The following ERC2 variants were observed in gnomAD, a reference collection of about 807,000 sequenced individuals.
The protein encoded by ERC2 is ERC protein 2.
Under a neutral mutation model 114.8 loss-of-function variants are expected in ERC2, and 42 were observed. That is an observed-to-expected ratio of 0.37 (90% CI 0.29 to 0.47). The LOEUF (loss-of-function observed/expected upper bound fraction) is 0.47, where lower values mean the gene tolerates loss of function less well. ERC2 is among the 20% of genes least tolerant of loss of function. ERC2 has a pLI of 0.99. For missense variants in ERC2, 939 were observed against 1,150.7 expected (o/e 0.82, Z 2.66); for synonymous variants, 454 against 425.5 (o/e 1.07, Z -0.82).
chr3:55,746,276 C>T (rs1056258023), intron 14 of ERC2, among the ~76,000 whole-genome samples: 12 of 152,082 alleles, frequency 7.9e-5, no homozygotes, highest in African/African-American at 2.9e-4. Context: ...CTCTGTCACC[C>T]AGGCTGGAGT....
At chr3:56,216,563 T>C (rs547750925) in intron 3 of ERC2, among the ~76,000 whole-genome samples, 12 of 152,232 alleles carry the variant, frequency 7.9e-5, no homozygotes, top group African/African-American at 2.6e-4. Context: ...CTACCAGAGG[T>C]ATAAGGAGGA....
chr3:56,389,731 T>C (rs545962578), intron 2 of ERC2, among the ~76,000 whole-genome samples: 3 of 152,286 alleles, frequency 2.0e-5, no homozygotes, highest in South Asian at 2.1e-4. Flanking sequence ...ACCCTTTGAT[T>C]CTGCTGCTTG....
chr3:55,694,971 G>C (rs139705668), intron 16 of ERC2, among the ~76,000 whole-genome samples: 27 of 152,316 alleles, frequency 1.8e-4, no homozygotes, highest in African/African-American at 5.1e-4. Context: ...CCAATGGAAT[G>C]AGCTTAATAA....
At chr3:55,650,464 T>A (rs2060571038) in intron 17 of ERC2, among the ~76,000 whole-genome samples, 1 of 152,214 alleles carries the variant, frequency 6.6e-6, no homozygotes, top group Non-Finnish European at 1.5e-5. Context: ...AACTATTTCG[T>A]CTGAGGCAAC....
chr3:55,870,220 G>A (rs1018200285), intron 14 of ERC2, among the ~76,000 whole-genome samples: 2 of 151,972 alleles, frequency 1.3e-5, no homozygotes, highest in African/African-American at 2.4e-5. Context: ...GACCACAGAC[G>A]CCCGTCACCA....
chr3:55,672,554 C>T (rs927616597), intron 17 of ERC2, among the ~76,000 whole-genome samples: 5 of 152,064 alleles, frequency 3.3e-5, no homozygotes, highest in Non-Finnish European at 1.5e-5. Flanking sequence ...CTGCCCTCCT[C>T]GTAGAGCTGA....
intron 14 of ERC2, among the ~76,000 whole-genome samples, chr3:55,817,542 G>A (rs1235895377): frequency 6.6e-6 from 1 of 152,142 alleles, no homozygotes; most frequent in African/African-American, 2.4e-5. Flanking sequence ...ATTGTCATAA[G>A]AATAACCCTG....
intron 17 of ERC2, among the ~76,000 whole-genome samples, chr3:55,604,898 C>T (rs1404197010): frequency 6.6e-6 from 1 of 152,142 alleles, no homozygotes; most frequent in Non-Finnish European, 1.5e-5. Flanking sequence ...GTATCAGGAT[C>T]ATCCAGAGGC....
At chr3:55,813,058 C>A (rs1422439614) in intron 14 of ERC2, among the ~76,000 whole-genome samples, 1 of 152,144 alleles carries the variant, frequency 6.6e-6, no homozygotes, top group East Asian at 1.9e-4. Flanking sequence ...TGTCATTATC[C>A]CTATTTTGCC....
intron 17 of ERC2, among the ~76,000 whole-genome samples, chr3:55,610,062 AAC>A (rs1372133986): frequency 1.8e-5 from 2 of 108,942 alleles, no homozygotes; most frequent in Non-Finnish European, 3.6e-5. Flanking sequence ...AACAAACACA[AAC>A]AAAAAAAAAA....
chr3:55,693,712 T>C (rs1202876377), intron 16 of ERC2, among the ~76,000 whole-genome samples: 1 of 151,590 alleles, frequency 6.6e-6, no homozygotes, highest in Non-Finnish European at 1.5e-5. Context: ...TATTTTTTCT[T>C]CTTTTTTTTT....
chr3:55,984,154 A>T (rs187260269), intron 12 of ERC2, among the ~76,000 whole-genome samples: 148 of 152,190 alleles, frequency 9.7e-4, no homozygotes, highest in Non-Finnish European at 1.7e-3. Flanking sequence ...AGTTCATCCA[A>T]CTAGATTTGG....
At chr3:56,289,600 A>C (rs1189808394) in intron 3 of ERC2, among the ~76,000 whole-genome samples, 1 of 152,178 alleles carries the variant, frequency 6.6e-6, no homozygotes. Flanking sequence ...CTCCAAACTC[A>C]CCGTGCCTCA....
chr3:56,454,241 G>A (rs1302636850), intron 1 of ERC2, among the ~76,000 whole-genome samples: 2 of 152,190 alleles, frequency 1.3e-5, no homozygotes, highest in Admixed American at 1.3e-4. Flanking sequence ...GCTCTGAAGA[G>A]TCCAAATTCC....
intron 6 of ERC2, among the ~76,000 whole-genome samples, chr3:56,120,274 G>C (rs1422306906): frequency 6.6e-6 from 1 of 152,182 alleles, no homozygotes; most frequent in Admixed American, 6.5e-5. Context: ...AGTTATGACA[G>C]TTCCCGCTCA....
intron 17 of ERC2, among the ~76,000 whole-genome samples, chr3:55,616,348 T>C (rs1023536983): frequency 6.6e-6 from 1 of 152,178 alleles, no homozygotes; most frequent in African/African-American, 2.4e-5. Flanking sequence ...GTTGTGGAAA[T>C]GGAAAGTCCT....
intron 6 of ERC2, among the ~76,000 whole-genome samples, chr3:56,095,372 A>G (rs989936840): frequency 6.6e-6 from 1 of 152,208 alleles, no homozygotes; most frequent in African/African-American, 2.4e-5. Flanking sequence ...ACAGATAAAT[A>G]AGATTAAATT....
intron 2 of ERC2, among the ~76,000 whole-genome samples, chr3:56,337,248 C>G (rs2057894080): frequency 6.6e-6 from 1 of 152,206 alleles, no homozygotes; most frequent in Non-Finnish European, 1.5e-5. Context: ...CAGGCTGAAC[C>G]CACAAGTATA....
intron 13 of ERC2, among the ~76,000 whole-genome samples, chr3:55,945,395 T>C (rs1175750314): frequency 1.3e-5 from 2 of 152,172 alleles, no homozygotes; most frequent in African/African-American, 4.8e-5. Context: ...GCTCAGGGAA[T>C]TGAAAAAGAA....
Sources: allele counts gnomAD v4.1 joint callset (sites outside exome capture counted in the v4.1 genomes callset), GRCh38; gene constraint gnomAD v4.1.1; transcripts MANE v1.5; gene names NCBI Gene and HGNC (gene_info 2026-07-23, HGNC 2026-07-21).